The following ATP6V1H variants were observed in gnomAD, a reference collection of about 807,000 sequenced individuals.
The protein encoded by ATP6V1H is V-type proton ATPase subunit H.
In ATP6V1H, 39 loss-of-function variants were observed where a neutral mutation model predicts 71.7. The ratio of observed to expected loss-of-function variants is 0.54; its 90% confidence interval spans 0.42 to 0.71. ATP6V1H has a LOEUF of 0.71. ATP6V1H is among the 30% of genes least tolerant of loss of function. The pLI, the probability that ATP6V1H is intolerant of heterozygous loss-of-function variation, is 0.00. For missense variants in ATP6V1H, 509 were observed against 594.9 expected (o/e 0.86, Z 1.50); for synonymous variants, 192 against 199.3 (o/e 0.96, Z 0.31).
At chr8:53,774,031 G>A (rs566057839) in intron 9 of ATP6V1H, among the ~76,000 whole-genome samples, 1 of 152,248 alleles carries the variant, frequency 6.6e-6, no homozygotes, top group African/African-American at 2.4e-5. Flanking sequence ...AATCTGTTAT[G>A]TATTATCAAA....
intron 13 of ATP6V1H, among the ~76,000 whole-genome samples, chr8:53,716,914 T>C (rs1243733909): frequency 6.6e-6 from 1 of 152,150 alleles, no homozygotes; most frequent in Non-Finnish European, 1.5e-5. Flanking sequence ...TATTTAAAAG[T>C]TTTCCTCTTA....
Position 53,737,284 on chromosome 8 carries a change from T to G in ATP6V1H, c.1391+6293A>C, listed in dbSNP as rs144754864. ...TATTTTCTACTTTGTATTTCTCTAC[T>G]TTAGCACAAATTGAATTTTCTAACA... On this transcript the variant is annotated intron_variant, in intron 13 of 13. Transcript: ENST00000359530. Among the ~76,000 whole-genome samples, 415 of 152,370 alleles carry G rather than the reference T, an allele frequency of 2.7e-3. 2 individuals are homozygous for G. Among genetic ancestry groups the G allele is most frequent in the African/African-American group, 9.6e-3 (398 of 41,592 alleles).
chr8:53,826,190 G>A (rs931162190), intron 4 of ATP6V1H, among the ~76,000 whole-genome samples: 15 of 152,124 alleles, frequency 9.9e-5, no homozygotes, highest in African/African-American at 3.6e-4. Context: ...CAGGGAACCA[G>A]GCACTCACAC....
chr8:53,818,552 A>AT (rs1810529749), intron 4 of ATP6V1H, among the ~76,000 whole-genome samples: 1 of 152,156 alleles, frequency 6.6e-6, no homozygotes, highest in African/African-American at 2.4e-5. Context: ...TGTGATAATG[A>AT]TTTTATCAAG....
At chr8:53,798,234 C>T (rs1809804119) in intron 8 of ATP6V1H, among the ~76,000 whole-genome samples, 1 of 151,862 alleles carries the variant, frequency 6.6e-6, no homozygotes, top group South Asian at 2.1e-4. Context: ...TTTTTAAGAC[C>T]TCAGTTATCG....
intron 12 of ATP6V1H, among the ~76,000 whole-genome samples, chr8:53,748,801 TGA>T (rs1807696682): frequency 6.6e-6 from 1 of 152,210 alleles, no homozygotes; most frequent in Admixed American, 6.5e-5. Flanking sequence ...TTTTCTATAA[TGA>T]GAGTTTGTTA....
chr8:53,720,799 C>T (rs1224383946), intron 13 of ATP6V1H, among the ~76,000 whole-genome samples: 1 of 152,038 alleles, frequency 6.6e-6, no homozygotes, highest in Admixed American at 6.5e-5. Flanking sequence ...CCTTTTTTGG[C>T]CTTGCCTGTC....
At chr8:53,787,236 TCTA>T (rs1809417426) in intron 9 of ATP6V1H, among the ~76,000 whole-genome samples, 1 of 152,184 alleles carries the variant, frequency 6.6e-6, no homozygotes, top group African/African-American at 2.4e-5. Context: ...AAACCTAGTA[TCTA>T]CTAAGCAAGA....
chr8:53,822,276 T>C (rs1810687664), intron 4 of ATP6V1H, among the ~76,000 whole-genome samples: 1 of 152,128 alleles, frequency 6.6e-6, no homozygotes, highest in Non-Finnish European at 1.5e-5. Flanking sequence ...GGGAAAACTT[T>C]GGCAAAAGAA....
chr8:53,722,999 C>T (rs988326177), intron 13 of ATP6V1H, among the ~76,000 whole-genome samples: 4 of 152,150 alleles, frequency 2.6e-5, no homozygotes, highest in South Asian at 2.1e-4. Context: ...TCCTAGCCTA[C>T]AAAATTATTC....
chr8:53,811,676 T>C (rs1810279599), intron 6 of ATP6V1H, among the ~76,000 whole-genome samples: 1 of 152,338 alleles, frequency 6.6e-6, no homozygotes, highest in South Asian at 2.1e-4. Flanking sequence ...TGAATTATAA[T>C]GACAATCAAA....
At chr8:53,842,973 C>T (rs897173423) in intron 1 of ATP6V1H, 61 bp downstream of exon 1, 2 of 152,422 alleles carry the variant, frequency 1.3e-5, no homozygotes, top group Non-Finnish European at 2.9e-5. Flanking sequence ...GCTGGAGAAA[C>T]TGCAAGAGTC....
intron 9 of ATP6V1H, among the ~76,000 whole-genome samples, chr8:53,782,042 A>G (rs1187309538): frequency 1.3e-5 from 2 of 152,204 alleles, no homozygotes; most frequent in Non-Finnish European, 2.9e-5. Context: ...TTGGTTCCAT[A>G]TGAACGTTAA....
chr8:53,811,955 T>C (rs535714062), intron 6 of ATP6V1H, among the ~76,000 whole-genome samples: 61 of 152,252 alleles, frequency 4.0e-4, no homozygotes, highest in Non-Finnish European at 7.8e-4. Flanking sequence ...TTATTTCTAT[T>C]AGAATCATGA....
chr8:53,799,122 T>G (rs1178771762), intron 8 of ATP6V1H, among the ~76,000 whole-genome samples: 1 of 152,142 alleles, frequency 6.6e-6, no homozygotes, highest in Admixed American at 6.5e-5. Flanking sequence ...AGAATTAAAA[T>G]TCATTTTATC....
At chr8:53,833,303 C>A (rs979334870) in intron 2 of ATP6V1H, 6 of 496,656 alleles carry the variant, frequency 1.2e-5, no homozygotes, top group Non-Finnish European at 2.2e-5. Context: ...CTGCAAAATG[C>A]GAACAATAAT....
intron 13 of ATP6V1H, among the ~76,000 whole-genome samples, chr8:53,727,660 G>A (rs1169308049): frequency 6.6e-6 from 1 of 152,084 alleles, no homozygotes; most frequent in Non-Finnish European, 1.5e-5. Flanking sequence ...CCCCTTCCAC[G>A]ACTTCCACTC....
Position 53,819,547 on chromosome 8 carries a change from CATATATATATATATATATATAT to C in ATP6V1H, c.307-2039_307-2018del, listed in dbSNP as rs34645455. Among the ~76,000 whole-genome samples, 146 of 35,130 alleles carry C rather than the reference CATATATATATATATATATATAT, an allele frequency of 4.2e-3. 3 individuals carry two copies. The highest frequency in any genetic ancestry group is 0.014 in the African/African-American group (122 of 8,544). 23.0% of individuals were successfully genotyped at this position (35,130 alleles called of 152,430 possible). ...AATCTATCTCAAAAAAAAAAAAAAG[CATATATATATATATATATATAT>C]ATATATATATATATATAAAATACAC... On this transcript the variant is annotated intron_variant, in intron 4 of 13. Coordinates refer to ENST00000359530, the MANE Select transcript of ATP6V1H (RefSeq NM_015941.4).
At chr8:53,727,855 A>C (rs1806869354) in intron 13 of ATP6V1H, among the ~76,000 whole-genome samples, 1 of 152,208 alleles carries the variant, frequency 6.6e-6, no homozygotes. Flanking sequence ...TTCCTGTGTG[A>C]GTCAATGGAA....
Sources: gnomAD v4.1 joint callset for allele counts (sites outside exome capture counted in the v4.1 genomes callset) on GRCh38, gnomAD v4.1.1 for gene constraint, MANE v1.5 for transcripts, NCBI Gene and HGNC (gene_info 2026-07-23, HGNC 2026-07-21) for gene names.